ASB18: variants seen among roughly 807,000 people sequenced by gnomAD.
ASB18 encodes ankyrin repeat and SOCS box containing 18.
Under a neutral mutation model 33.4 loss-of-function variants are expected in ASB18, and 33 were observed. The ratio of observed to expected loss-of-function variants is 0.99; its 90% CI spans 0.75 to 1.32. The LOEUF (loss-of-function observed/expected upper bound fraction) is 1.32, where lower values mean the gene tolerates loss of function less well. ASB18 is among the 40% of genes most tolerant of loss of function. The probability of loss-of-function intolerance (pLI) is 0.00; values close to 1 mark genes in which losing one functional copy is unlikely to be tolerated. For missense variants in ASB18, 694 were observed against 655.5 expected, an observed-to-expected ratio of 1.06 and a Z score of -0.64; for synonymous variants, 295 against 307.6, an observed-to-expected ratio of 0.96 and a Z score of 0.43.
intron 2 of ASB18, among the ~76,000 whole-genome samples, chr2:236,240,231 A>G (rs916575235): frequency 1.3e-5 from 2 of 152,210 alleles, no homozygotes; most frequent in African/African-American, 2.4e-5. Flanking sequence ...GTCGGCTGCG[A>G]CATGCAGCCC....
rs10177825 is a variant in ASB18, at chr2:236,194,905, G to A, written c.1368C>T (p.Tyr456=). The change falls in exon 6 of 6, where the codon TAC becomes TAT. Residue 456 remains tyrosine (Y), a synonymous_variant. Transcript: ENST00000409749. The surrounding 1 kb of genome is among the most constrained non-coding windows in gnomAD (Gnocchi z 4.5). The part of the protein sequence containing the change: ...LLPLPKPLQN[Y]LLLEPQGVLH The stretch of plus-strand genomic sequence containing the variant: ...AAACACCCTGTGGCTCCAAAAGTAG[G>A]TAATTCTGCAGGGGCTTTGGCAAGG... 0.15 allele frequency: 235,010 copies of A among 1,613,032 alleles called. 20,889 individuals are homozygous for A. Among genetic ancestry groups the A allele is most frequent in the African/African-American group, 0.42 (31,369 of 74,920 alleles).
Position 236,229,157 on chromosome 2 carries a change from T to C in ASB18, c.596+8532A>G. Reference sequence around the variant, plus strand: ...GGGCCATTAAAACACTTGTTATAACTATATTCCACCTGTTTGAGAAGCTAG... The same window carrying C: ...GGGCCATTAAAACACTTGTTATAACCATATTCCACCTGTTTGAGAAGCTAG... On this transcript the variant is annotated intron_variant, in intron 3 of 5. Coordinates refer to ENST00000409749, the MANE Select transcript of ASB18 (RefSeq NM_212556.4). The surrounding 1 kb of genome is among the most constrained non-coding windows in gnomAD (Gnocchi z 5.2). Among the ~76,000 whole-genome samples, 1 of 152,204 alleles carries C rather than the reference T, an allele frequency of 6.6e-6. No homozygotes were observed. The highest frequency in any genetic ancestry group is 1.9e-4 in the East Asian group (1 of 5,190).
At position 236,231,957 on chromosome 2, in the gene ASB18, T is replaced by C. The variant is rs2060568078; in HGVS notation, c.596+5732A>G. Among the ~76,000 whole-genome samples, 1 of 152,138 alleles carries C rather than the reference T, an allele frequency of 6.6e-6. No individual in the cohort carries two copies. Among genetic ancestry groups the C allele is most frequent in the Non-Finnish European group, 1.5e-5 (1 of 68,002 alleles). On this transcript the variant is annotated intron_variant, in intron 3 of 5. Transcript: ENST00000409749. The surrounding 1 kb of genome is among the most constrained non-coding windows in gnomAD (Gnocchi z 5.5). ...TCAATAACTTGTAAAACAAGTCCAA[T>C]GAAAATCAGCAAGGATATAGAAATA...
chr2:236,227,125 A>G (rs2060544606), intron 3 of ASB18, among the ~76,000 whole-genome samples: 1 of 152,184 alleles, frequency 6.6e-6, no homozygotes, highest in African/African-American at 2.4e-5. Flanking sequence ...AAATATAGCC[A>G]TGCATTTTGG....
chr2:236,247,787 G>C (rs1327495102), intron 1 of ASB18: 1 of 152,176 alleles, frequency 6.6e-6, no homozygotes, highest in Admixed American at 6.5e-5. Flanking sequence ...AGTCTTTGAG[G>C]AATTGTGATA....
chr2:236,232,133 A>T (rs1278894085), intron 3 of ASB18, among the ~76,000 whole-genome samples: 1 of 152,182 alleles, frequency 6.6e-6, no homozygotes, highest in Non-Finnish European at 1.5e-5. Context: ...CAGTAAATTT[A>T]AAAAGGACTA....
Position 236,263,985 on chromosome 2 carries a change from C to T in ASB18, c.205+156G>A, listed in dbSNP as rs1051839205. Among the ~76,000 whole-genome samples, 2 of 152,152 alleles carry T rather than the reference C, an allele frequency of 1.3e-5. No homozygotes were observed. Among genetic ancestry groups the T allele is most frequent in the African/African-American group, 2.4e-5 (1 of 41,434 alleles). ...CGCACACGCATGTACATGGTCTATG[C>T]AGTACACATATATGCATGTATGTAT... On this transcript the variant is annotated intron_variant, in intron 1 of 5. Coordinates refer to ENST00000409749, the MANE Select transcript of ASB18 (RefSeq NM_212556.4). The surrounding 1 kb of genome is among the most constrained non-coding windows in gnomAD (Gnocchi z 4.0).
chr2:236,241,276 G>T lies in ASB18; in HGVS notation c.328+4C>A, dbSNP rs774896989. ...AATGACTGAGCTTTAAAGAACAAGG[G>T]TACCTGATAGTCCAAACGTGGCTGG... On this transcript the variant is annotated splice_donor_region_variant and intron_variant, in intron 2 of 5. Coordinates refer to ENST00000409749, the MANE Select transcript of ASB18 (RefSeq NM_212556.4). This position sits in a 1 kb window ranked among gnomAD's most constrained non-coding sequence, Gnocchi z 4.2. 30 of 1,613,604 alleles carry T rather than the reference G, an allele frequency of 1.9e-5. No homozygotes were observed. The highest frequency in any genetic ancestry group is 6.7e-5 in the African/African-American group (5 of 74,910).
chr2:236,222,890 C>T lies in ASB18; in HGVS notation c.597-8024G>A, dbSNP rs956216750. Among the ~76,000 whole-genome samples the T allele has an allele frequency of 1.3e-5, 2 of 152,148 alleles. No homozygotes were observed. Among genetic ancestry groups the T allele is most frequent in the African/African-American group, 2.4e-5 (1 of 41,424 alleles). On this transcript the variant is annotated intron_variant, in intron 3 of 5. Transcript: ENST00000409749. The surrounding 1 kb of genome is among the most constrained non-coding windows in gnomAD (Gnocchi z 5.5). ...CAAAAATTAGATGGGTGTGGTGGCG[C>T]ACACCTGTAGTCCCAGCTACTTGGG... is the stretch of plus-strand genomic sequence containing the variant.
chr2:236,258,383 A>T (rs1281213421), intron 1 of ASB18, among the ~76,000 whole-genome samples: 1 of 152,246 alleles, frequency 6.6e-6, no homozygotes, highest in African/African-American at 2.4e-5. Context: ...AGGTGGTCTG[A>T]CATGTTCAAG....
chr2:236,206,542 A>G (rs1033271559), intron 4 of ASB18, among the ~76,000 whole-genome samples: 2 of 152,210 alleles, frequency 1.3e-5, no homozygotes, highest in Middle Eastern at 3.2e-3. Context: ...TCATCCAGAC[A>G]CTGAAACAAC....
rs537369051 is a variant in ASB18 at position 236,230,929 on chromosome 2, A to G, written c.596+6760T>C. Among the ~76,000 whole-genome samples, 11 of 152,286 alleles carry G rather than the reference A, an allele frequency of 7.2e-5. No homozygotes were observed. In the South Asian group the frequency reaches 2.3e-3, roughly 32 times the overall value. On this transcript the variant is annotated intron_variant, in intron 3 of 5. Coordinates refer to ENST00000409749, the MANE Select transcript of ASB18 (RefSeq NM_212556.4). ...TAAAAAACAGAGACTGTCAGATTGGATTAAAAAAAGCAAGACTCAATTATA... is the reference window on the plus strand; with the variant it reads ...TAAAAAACAGAGACTGTCAGATTGGGTTAAAAAAAGCAAGACTCAATTATA...
chr2:236,246,462 A>G (rs911303788), intron 1 of ASB18, among the ~76,000 whole-genome samples: 2 of 151,330 alleles, frequency 1.3e-5, no homozygotes, highest in Non-Finnish European at 2.9e-5. Context: ...TATCCACATC[A>G]TCAGTAGCAA....
rs897616661 is a variant in ASB18 at position 236,204,942 on chromosome 2, T to C, written c.1102-8557A>G. Among the ~76,000 whole-genome samples, 1 of 152,174 alleles carries C rather than the reference T, an allele frequency of 6.6e-6. No homozygotes were observed. The highest frequency in any genetic ancestry group is 2.4e-5 in the African/African-American group (1 of 41,448). Reference sequence around the variant, plus strand: ...GCTCCTGTTTCTCCTACACTCCACATCCCATCTGTTAAAAAATCCTGTTGG... The same window carrying C: ...GCTCCTGTTTCTCCTACACTCCACACCCCATCTGTTAAAAAATCCTGTTGG... On this transcript the variant is annotated intron_variant, in intron 4 of 5. Coordinates refer to ENST00000409749, the MANE Select transcript of ASB18 (RefSeq NM_212556.4). The surrounding 1 kb of genome is among the most constrained non-coding windows in gnomAD (Gnocchi z 5.1).
rs538118478 is a variant in ASB18, at chr2:236,205,630, A to G, written c.1101+8732T>C. On this transcript the variant is annotated intron_variant, in intron 4 of 5. Coordinates refer to ENST00000409749, the MANE Select transcript of ASB18 (RefSeq NM_212556.4). The surrounding 1 kb of genome is among the most constrained non-coding windows in gnomAD (Gnocchi z 5.4). ...CACTCACTTATCCTATGTGCCTAGT[A>G]TATTGCTGGGACATGACTGGTGCTC... Among the ~76,000 whole-genome samples the G allele has an allele frequency of 7.9e-5, 12 of 152,346 alleles. No individual in the cohort carries two copies. Among genetic ancestry groups the G allele is most frequent in the African/African-American group, 2.9e-4 (12 of 41,594 alleles).
chr2:236,212,930 T>G (rs1456821835), intron 4 of ASB18, among the ~76,000 whole-genome samples: 2 of 152,228 alleles, frequency 1.3e-5, no homozygotes, highest in Non-Finnish European at 2.9e-5. Flanking sequence ...ATGCCTGGCC[T>G]CTTTTCATTC....
chr2:236,254,377 A>G (rs1355361727), intron 1 of ASB18, among the ~76,000 whole-genome samples: 2 of 151,960 alleles, frequency 1.3e-5, no homozygotes, highest in African/African-American at 4.8e-5. Context: ...ACCTGACTCA[A>G]CAACAGGAAT....
chr2:236,201,764 T>C (rs2060404274), intron 4 of ASB18, among the ~76,000 whole-genome samples: 10 of 152,148 alleles, frequency 6.6e-5, no homozygotes, highest in Admixed American at 6.5e-4. Flanking sequence ...TCAGTCATTT[T>C]CTCTGTTTTA....
rs1156991236 is a variant in ASB18 at position 236,205,522 on chromosome 2, T to A, written c.1101+8840A>T. On this transcript the variant is annotated intron_variant, in intron 4 of 5. Coordinates refer to ENST00000409749, the MANE Select transcript of ASB18 (RefSeq NM_212556.4). The surrounding 1 kb of genome is among the most constrained non-coding windows in gnomAD (Gnocchi z 5.4). ...CCTTATCACTTTTTTGGTCTGTTGA[T>A]CATGCTCAATATTTAATGCCTGTCT... Among the ~76,000 whole-genome samples, 1 of 152,226 alleles carries A rather than the reference T, an allele frequency of 6.6e-6. No homozygotes were observed. Among genetic ancestry groups the A allele is most frequent in the Non-Finnish European group, 1.5e-5 (1 of 68,038 alleles).
Sources: gnomAD v4.1 joint callset for allele counts (sites outside exome capture counted in the v4.1 genomes callset) on GRCh38, gnomAD v4.1.1 for gene constraint, Gnocchi (gnomAD v3.1) non-coding constraint, MANE v1.5 for transcripts, NCBI Gene and HGNC (gene_info 2026-07-23, HGNC 2026-07-21) for gene names.